Variants in NUBPL observed in about 807,000 individuals in gnomAD.
NUBPL encodes the protein NUBP iron-sulfur cluster assembly factor, mitochondrial.
NUBPL carries 31 observed loss-of-function variants against 45.7 expected under a neutral mutation model. The ratio of observed to expected loss-of-function variants is 0.68; its 90% CI spans 0.51 to 0.92. The LOEUF (loss-of-function observed/expected upper bound fraction) is 0.92, where lower values mean the gene tolerates loss of function less well. Among genes scored for constraint, NUBPL ranks in the 40% least tolerant of loss-of-function variants. The pLI, the probability that NUBPL is intolerant of heterozygous loss-of-function variation, is 0.00. For missense variants in NUBPL, 401 were observed against 398.7 expected (o/e 1.01, Z -0.05); for synonymous variants, 144 against 140.9 (o/e 1.02, Z -0.15).
chr14:31,715,268 A>T (rs774369453), intron 6 of NUBPL, among the ~76,000 whole-genome samples: 1 of 152,054 alleles, frequency 6.6e-6, no homozygotes, highest in Non-Finnish European at 1.5e-5. Flanking sequence ...TTCTCTGCTC[A>T]TTTCTTAAAT....
chr14:31,638,818 G>A (rs575277586), intron 4 of NUBPL, among the ~76,000 whole-genome samples: 41 of 152,006 alleles, frequency 2.7e-4, no homozygotes, highest in East Asian at 2.1e-3. Context: ...TTCCCTTCTC[G>A]CTTCATTTCA....
intron 7 of NUBPL, 134 bp downstream of exon 7, chr14:31,788,007 A>G (rs2039314867): frequency 1.6e-6 from 1 of 643,854 alleles, no homozygotes; most frequent in Non-Finnish European, 2.8e-6. Flanking sequence ...TTCATTAGAG[A>G]TCAGAAGCAT....
chr14:31,723,597 T>A (rs1440237674), intron 6 of NUBPL, among the ~76,000 whole-genome samples: 5 of 152,188 alleles, frequency 3.3e-5, no homozygotes, highest in Non-Finnish European at 1.5e-5. Context: ...GTATTTCCAT[T>A]TGTTTGTGTC....
chr14:31,723,914 T>C (rs1433997597), intron 6 of NUBPL, among the ~76,000 whole-genome samples: 1 of 152,182 alleles, frequency 6.6e-6, no homozygotes, highest in African/African-American at 2.4e-5. Context: ...CTACCTCTTG[T>C]TCCATTGGGA....
chr14:31,739,224 A>C (rs980482041), intron 6 of NUBPL, among the ~76,000 whole-genome samples: 5 of 138,230 alleles, frequency 3.6e-5, no homozygotes, highest in Admixed American at 7.3e-5. Flanking sequence ...TATATTATAT[A>C]TATATATATT....
chr14:31,614,016 T>G (rs991567422), intron 4 of NUBPL, among the ~76,000 whole-genome samples: 12 of 152,166 alleles, frequency 7.9e-5, no homozygotes, highest in African/African-American at 2.9e-4. Context: ...AATTTTTGAT[T>G]TTTAAAATAT....
intron 3 of NUBPL, among the ~76,000 whole-genome samples, chr14:31,589,608 C>A (rs1350181695): frequency 6.6e-6 from 1 of 152,004 alleles, no homozygotes; most frequent in Admixed American, 6.5e-5. Context: ...ATTAGATTAG[C>A]TCCTAAAGCC....
At chr14:31,749,537 G>A (rs551058165) in intron 6 of NUBPL, among the ~76,000 whole-genome samples, 119 of 152,160 alleles carry the variant, frequency 7.8e-4, no homozygotes, top group African/African-American at 2.7e-3. Flanking sequence ...TCTTCTGGTG[G>A]GTGAGCTTTC....
chr14:31,727,737 T>TTAAATCCAAATAGCAAGTTCTAA (rs1312740405), intron 6 of NUBPL, among the ~76,000 whole-genome samples: 1 of 152,214 alleles, frequency 6.6e-6, no homozygotes, highest in Non-Finnish European at 1.5e-5. Flanking sequence ...TTCCTTTTGT[T>TTAAATCCAAATAGCAAGTTCTAA]TAAATCCAAA....
At chr14:31,782,387 T>G (rs910070221) in intron 6 of NUBPL, among the ~76,000 whole-genome samples, 5 of 152,006 alleles carry the variant, frequency 3.3e-5, no homozygotes, top group African/African-American at 1.2e-4. Flanking sequence ...AGAGCAAGAC[T>G]CTGTCTCAAA....
chr14:31,634,092 T>G (rs1481177531), intron 4 of NUBPL, among the ~76,000 whole-genome samples: 1 of 151,928 alleles, frequency 6.6e-6, no homozygotes, highest in Non-Finnish European at 1.5e-5. Context: ...TAATTTAATT[T>G]TATTATTATT....
chr14:31,620,202 A>C (rs566252735), intron 4 of NUBPL, among the ~76,000 whole-genome samples: 2 of 152,152 alleles, frequency 1.3e-5, no homozygotes, highest in Admixed American at 1.3e-4. Flanking sequence ...CAAGGTTCTT[A>C]GCTTCCTGCC....
In NUBPL at chr14:31,859,232, G is replaced by A. The variant is rs756909464; in HGVS notation, c.*52G>A. Reference sequence around the variant, plus strand: ...TGGTACTGACATTAAGAGGACCTTTGGAAATCAGCAATGTGGTGATGGAAC... The same window carrying A: ...TGGTACTGACATTAAGAGGACCTTTAGAAATCAGCAATGTGGTGATGGAAC... On this transcript the variant is annotated 3_prime_UTR_variant, in exon 11 of 11. Transcript: ENST00000281081. 4 of 1,380,828 alleles carry A rather than the reference G, an allele frequency of 2.9e-6. No homozygotes were observed. The highest frequency in any genetic ancestry group is 4.1e-6 in the Non-Finnish European group (4 of 968,024). The allele number at this position is 1,380,828 out of a possible 1,614,324, so 85.5% of individuals were successfully genotyped here.
Position 31,574,570 on chromosome 14 carries a change from G to A in NUBPL, c.291+9522G>A, listed in dbSNP as rs191719218. 4.4e-5 allele frequency among the ~76,000 whole-genome samples: 6 copies of A among 137,516 alleles called. No homozygotes were observed. The East Asian group carries it at 1.3e-3, about 31-fold the overall frequency. 90.2% of individuals were successfully genotyped at this position (137,516 alleles called of 152,430 possible). On this transcript the variant is annotated intron_variant, in intron 3 of 10. Coordinates refer to ENST00000281081, the MANE Select transcript of NUBPL (RefSeq NM_025152.3). ...GTAAGCCACTGCGCCTGGCCTACTC[G>A]ATTCTTTCCTTCTTTTTTTTTTTTT...
chr14:31,719,858 T>A (rs1262902244), intron 6 of NUBPL, among the ~76,000 whole-genome samples: 2 of 152,168 alleles, frequency 1.3e-5, no homozygotes, highest in African/African-American at 4.8e-5. Flanking sequence ...TACATGCTGC[T>A]TTTTAGCCAA....
At chr14:31,697,347 A>C (rs1028456005) in intron 6 of NUBPL, among the ~76,000 whole-genome samples, 1 of 152,248 alleles carries the variant, frequency 6.6e-6, no homozygotes, top group African/African-American at 2.4e-5. Flanking sequence ...GGGGAATGAA[A>C]GATATCAGAC....
chr14:31,777,254 C>T (rs958086987), intron 6 of NUBPL, among the ~76,000 whole-genome samples: 22 of 152,198 alleles, frequency 1.4e-4, no homozygotes, highest in Admixed American at 1.3e-3. Flanking sequence ...AACCTGTTGG[C>T]AGATAGCATT....
At chr14:31,612,676 A>G (rs978156318) in intron 4 of NUBPL, among the ~76,000 whole-genome samples, 1 of 152,070 alleles carries the variant, frequency 6.6e-6, no homozygotes, top group African/African-American at 2.4e-5. Context: ...AAAAAAGAAA[A>G]GAAAAGAAAA....
rs749037798 is a variant in NUBPL, at chr14:31,590,332, A to G, written c.292-8957A>G. ...TTTTCCTCTCTCATTTTTTTTTTCT[A>G]TCAGGAAATTATTTCCTCCCATCCC... On this transcript the variant is annotated intron_variant, in intron 3 of 10. Transcript: ENST00000281081. 2.7e-5 allele frequency among the ~76,000 whole-genome samples: 4 copies of G among 150,068 alleles called. No homozygotes were observed. In the South Asian group the frequency reaches 8.4e-4, roughly 32 times the overall value.
Sources: gnomAD v4.1 joint callset for allele counts (sites outside exome capture counted in the v4.1 genomes callset) on GRCh38, gnomAD v4.1.1 for gene constraint, MANE v1.5 for transcripts, NCBI Gene and HGNC (gene_info 2026-07-23, HGNC 2026-07-21) for gene names.